Variants in ROBO2 observed in about 807,000 individuals in gnomAD.
ROBO2 encodes roundabout homolog 2.
A neutral mutation model predicts 160.8 loss-of-function variants in ROBO2; 53 were observed. The ratio of observed to expected loss-of-function variants is 0.33; its 90% CI spans 0.26 to 0.41. The LOEUF is 0.41. ROBO2 is among the 10% of genes least tolerant of loss of function. The pLI is 1.00. For synonymous variants in ROBO2, 664 were observed against 611.7 expected (o/e 1.09, Z -1.26); for missense variants, 1,577 against 1,722.4 (o/e 0.92, Z 1.49).
chr3:76,615,977 A>G (rs2088551634), intron 2 of ROBO2, among the ~76,000 whole-genome samples: 1 of 152,216 alleles, frequency 6.6e-6, no homozygotes, highest in Non-Finnish European at 1.5e-5. Flanking sequence ...AGTCCTACAT[A>G]GTTCAGACCT....
intron 2 of ROBO2, among the ~76,000 whole-genome samples, chr3:76,560,898 T>G (rs1240888823): frequency 6.8e-6 from 1 of 147,706 alleles, no homozygotes; most frequent in African/African-American, 2.5e-5. Context: ...AGCTTGACTA[T>G]CTCATTTTAT....
At chr3:77,627,874 G>T (rs1311972532) in intron 23 of ROBO2, among the ~76,000 whole-genome samples, 4 of 152,134 alleles carry the variant, frequency 2.6e-5, no homozygotes, top group Non-Finnish European at 4.4e-5. Context: ...ACAGACTTTA[G>T]CTTAATGGAT....
At chr3:76,623,511 A>G (rs182494415) in intron 2 of ROBO2, among the ~76,000 whole-genome samples, 350 of 152,316 alleles carry the variant, frequency 2.3e-3, no homozygotes, top group African/African-American at 8.2e-3. Context: ...TTAAGTATTT[A>G]CTAATGCATA....
chr3:77,028,367 T>A (rs1225936732), intron 2 of ROBO2, among the ~76,000 whole-genome samples: 1 of 152,142 alleles, frequency 6.6e-6, no homozygotes, highest in East Asian at 1.9e-4. Flanking sequence ...TCATAATGGA[T>A]GTCTTTTACT....
chr3:77,595,280 T>G, intron 18 of ROBO2, 96 bp downstream of exon 19: 2 of 962,194 alleles, frequency 2.1e-6, no homozygotes, highest in South Asian at 1.4e-5. Context: ...AATGATCACT[T>G]AAAAGTCTGA....
intron 2 of ROBO2, among the ~76,000 whole-genome samples, chr3:76,276,037 G>A (rs545748635): frequency 2.0e-5 from 3 of 151,984 alleles, no homozygotes; most frequent in South Asian, 4.2e-4. Flanking sequence ...TAACATATAA[G>A]TACATCTTGC....
At chr3:77,591,583 T>C (rs958856503) in intron 17 of ROBO2, among the ~76,000 whole-genome samples, 1 of 152,228 alleles carries the variant, frequency 6.6e-6, no homozygotes, top group Non-Finnish European at 1.5e-5. Context: ...AATTGTGGTG[T>C]CTGCAGAACT....
intron 2 of ROBO2, among the ~76,000 whole-genome samples, chr3:77,331,044 T>C (rs1182782069): frequency 1.3e-5 from 2 of 152,192 alleles, no homozygotes; most frequent in Non-Finnish European, 2.9e-5. Flanking sequence ...CATTTGAGAA[T>C]GTGCTGTTGA....
At chr3:75,935,410 G>A (rs1185784170) in intron 1 of ROBO2, among the ~76,000 whole-genome samples, 1 of 152,012 alleles carries the variant, frequency 6.6e-6, no homozygotes, top group Non-Finnish European at 1.5e-5. Flanking sequence ...TACTCGAGAG[G>A]CCGAGGCAAA....
intron 2 of ROBO2, among the ~76,000 whole-genome samples, chr3:76,857,207 G>T (rs560116217): frequency 1.3e-5 from 2 of 152,028 alleles, no homozygotes; most frequent in East Asian, 3.9e-4. Context: ...GGATGGTCTC[G>T]ATCTCCTGAC....
chr3:77,107,874 T>G (rs1340005718), intron 2 of ROBO2, among the ~76,000 whole-genome samples: 1 of 152,212 alleles, frequency 6.6e-6, no homozygotes, highest in Non-Finnish European at 1.5e-5. Flanking sequence ...AATGTAACTA[T>G]TTTTTCCATA....
At chr3:77,229,190 T>C (rs543942270) in intron 2 of ROBO2, among the ~76,000 whole-genome samples, 2 of 152,192 alleles carry the variant, frequency 1.3e-5, no homozygotes, top group Non-Finnish European at 2.9e-5. Context: ...GTTATATAGC[T>C]ATGTATCGTT....
chr3:76,890,326 T>C (rs1023225383), intron 2 of ROBO2, among the ~76,000 whole-genome samples: 5 of 152,196 alleles, frequency 3.3e-5, no homozygotes, highest in Non-Finnish European at 7.3e-5. Flanking sequence ...GCATCCTTAG[T>C]AAATTACACA....
At chr3:77,091,476 G>A (rs1374504214) in intron 1 of ROBO2, among the ~76,000 whole-genome samples, 4 of 152,118 alleles carry the variant, frequency 2.6e-5, no homozygotes, top group Non-Finnish European at 5.9e-5. Flanking sequence ...GAGAGTCTCT[G>A]AGAAGCAGAA....
chr3:76,429,056 C>T (rs2076332218), intron 2 of ROBO2, among the ~76,000 whole-genome samples: 1 of 152,088 alleles, frequency 6.6e-6, no homozygotes, highest in Admixed American at 6.6e-5. Context: ...CTTAGGAAAA[C>T]ATTTGTTGAC....
intron 5 of ROBO2, among the ~76,000 whole-genome samples, chr3:77,504,381 T>C (rs2088145746): frequency 6.6e-6 from 1 of 151,286 alleles, no homozygotes; most frequent in African/African-American, 2.4e-5. Context: ...TGACACATGG[T>C]ACTCACCAGT....
intron 2 of ROBO2, among the ~76,000 whole-genome samples, chr3:76,010,196 C>A (rs2066154043): frequency 6.6e-6 from 1 of 152,170 alleles, no homozygotes; most frequent in Admixed American, 6.5e-5. Flanking sequence ...TAAGCTCAAA[C>A]AGGAAGATAA....
At chr3:77,442,335 C>A (rs1030168515) in intron 2 of ROBO2, among the ~76,000 whole-genome samples, 3 of 151,676 alleles carry the variant, frequency 2.0e-5, no homozygotes, top group African/African-American at 7.3e-5. Flanking sequence ...AAAAAAATTA[C>A]ATTCATGAGT....
chr3:77,182,853 G>A (rs1343898745), intron 2 of ROBO2, among the ~76,000 whole-genome samples: 2 of 152,002 alleles, frequency 1.3e-5, no homozygotes, highest in Non-Finnish European at 2.9e-5. Context: ...GAGACCTCCT[G>A]AATGCAAAAA....
Sources: gnomAD v4.1 joint callset for allele counts (sites outside exome capture counted in the v4.1 genomes callset) on GRCh38, gnomAD v4.1.1 for gene constraint, MANE v1.5 for transcripts, NCBI Gene and HGNC (gene_info 2026-07-23, HGNC 2026-07-21) for gene names.